The following PTCSC3 variants were observed in gnomAD, a reference collection of about 807,000 sequenced individuals.
PTCSC3 encodes the protein papillary thyroid carcinoma susceptibility candidate 3.
chr14:36,151,296 G>T (rs995871979), intron 3 of PTCSC3, among the ~76,000 whole-genome samples: 1 of 149,818 alleles, frequency 6.7e-6, no homozygotes, highest in Non-Finnish European at 1.5e-5. Flanking sequence ...CCCCGCCCCT[G>T]CCCTCTGGCT....
At chr14:36,154,894 C>T (rs557653560) in intron 2 of PTCSC3, among the ~76,000 whole-genome samples, 8 of 152,322 alleles carry the variant, frequency 5.3e-5, no homozygotes, top group African/African-American at 1.7e-4. Flanking sequence ...AGTCTGAATA[C>T]ATTGAGTCAC....
intron 3 of PTCSC3, among the ~76,000 whole-genome samples, chr14:36,142,789 C>T (rs867240289): frequency 2.2e-3 from 327 of 147,350 alleles, no homozygotes; most frequent in African/African-American, 7.9e-3. Context: ...GTATATCTCC[C>T]AATGCTATCC....
At chr14:36,138,169 A>G (rs1009325723) in intron 3 of PTCSC3, among the ~76,000 whole-genome samples, 1 of 87,698 alleles carries the variant, frequency 1.1e-5, no homozygotes, top group Admixed American at 1.2e-4. Context: ...CAAACTGAAT[A>G]TCCATGTGGG....
chr14:36,135,873 A>G (rs1010312283), downstream of PTCSC3, among the ~76,000 whole-genome samples: 31 of 150,484 alleles, frequency 2.1e-4, no homozygotes, highest in African/African-American at 7.1e-4. Flanking sequence ...ATATATATAT[A>G]TATGTGTGTG....
intron 3 of PTCSC3, among the ~76,000 whole-genome samples, chr14:36,138,496 G>C (rs1267590032): frequency 1.3e-5 from 2 of 152,112 alleles, no homozygotes; most frequent in Middle Eastern, 3.2e-3. Flanking sequence ...AACTCAATAA[G>C]AGACAGACAA....
intron 3 of PTCSC3, among the ~76,000 whole-genome samples, chr14:36,136,702 G>GTTA (rs1675176449): frequency 6.6e-6 from 1 of 152,170 alleles, no homozygotes; most frequent in African/African-American, 2.4e-5. Flanking sequence ...GTTAATTGAT[G>GTTA]TTATGCTAGG....
chr14:36,151,467 C>T (rs1387741582), intron 3 of PTCSC3, among the ~76,000 whole-genome samples: 6 of 152,124 alleles, frequency 3.9e-5, no homozygotes, highest in Non-Finnish European at 7.4e-5. Context: ...TCTAATATTT[C>T]TTTTGCATCT....
At chr14:36,152,570 G>A (rs1203648771) in intron 3 of PTCSC3, among the ~76,000 whole-genome samples, 1 of 152,024 alleles carries the variant, frequency 6.6e-6, no homozygotes, top group African/African-American at 2.4e-5. Context: ...TATGTCAAAG[G>A]GCTTGTATTC....
chr14:36,176,168 T>C (rs895407913), intron 1 of PTCSC3: 20 of 152,170 alleles, frequency 1.3e-4, no homozygotes, highest in African/African-American at 4.8e-4. Context: ...CAAAACAGTA[T>C]ACTAATGCAA....
chr14:36,149,672 C>A (rs1305111798), intron 3 of PTCSC3, among the ~76,000 whole-genome samples: 1 of 152,120 alleles, frequency 6.6e-6, no homozygotes, highest in African/African-American at 2.4e-5. Context: ...ATTATTATGT[C>A]TTTTTGGAGA....
intron 3 of PTCSC3, among the ~76,000 whole-genome samples, chr14:36,138,417 CTG>C (rs1164920826): frequency 6.6e-6 from 1 of 152,162 alleles, no homozygotes; most frequent in Non-Finnish European, 1.5e-5. Context: ...AAACTAAAAA[CTG>C]TCAAATTATT....
intron 2 of PTCSC3, among the ~76,000 whole-genome samples, chr14:36,161,554 T>C (rs555463540): frequency 6.8e-4 from 104 of 152,330 alleles, no homozygotes; most frequent in Middle Eastern, 6.8e-3. Context: ...CAGTAGAGGC[T>C]ACAGAACAGT....
At chr14:36,155,681 T>C (rs569850813) in intron 2 of PTCSC3, among the ~76,000 whole-genome samples, 1 of 152,274 alleles carries the variant, frequency 6.6e-6, no homozygotes, top group Non-Finnish European at 1.5e-5. Context: ...TTTCTTCCTC[T>C]CTTTCTCTGT....
rs569959641 is a variant in PTCSC3, at chr14:36,142,717, T to C, written n.323-6361A>G. ...ACATGTGCACATTGTGCAGGTTAGT[T>C]ACATATGTATACATGTGCCATGCTG... On this transcript the variant is annotated intron_variant and non_coding_transcript_variant, in intron 3 of 3. Coordinates refer to ENST00000556013, the Ensembl canonical transcript of PTCSC3. 4.0e-4 allele frequency among the ~76,000 whole-genome samples: 61 copies of C among 151,946 alleles called. 2 individuals carry two copies. The highest frequency in any genetic ancestry group is 2.1e-3 in the Admixed American group (32 of 15,274).
exon 1 of PTCSC3, chr14:36,176,366 T>C (rs1008770033): frequency 2.0e-5 from 3 of 151,728 alleles, no homozygotes; most frequent in African/African-American, 7.3e-5. Context: ...GCCTTTGACC[T>C]GGTCTCTCCA....
At chr14:36,166,131 CGTCCACCT>C (rs150747592) in intron 1 of PTCSC3, among the ~76,000 whole-genome samples, 3,006 of 152,232 alleles carry the variant, frequency 0.02, 96 homozygotes, top group African/African-American at 0.069. Flanking sequence ...TTTGTCCATC[CGTCCACCT>C]GTCTGTCCAT....
At chr14:36,152,323 C>T (rs1370130706) in intron 3 of PTCSC3, among the ~76,000 whole-genome samples, 1 of 151,892 alleles carries the variant, frequency 6.6e-6, no homozygotes. Flanking sequence ...GGAATGGTGG[C>T]ACACACCTGT....
chr14:36,147,086 G>A (rs1043971333), intron 3 of PTCSC3, among the ~76,000 whole-genome samples: 3 of 152,074 alleles, frequency 2.0e-5, no homozygotes, highest in Non-Finnish European at 2.9e-5. Flanking sequence ...CTCTCTAGCT[G>A]CCCTTAACAT....
rs1408084314 is a variant in PTCSC3, at chr14:36,140,083, A to G, written n.323-3727T>C. Among the ~76,000 whole-genome samples, 4 of 152,214 alleles carry G rather than the reference A, an allele frequency of 2.6e-5. No individual in the cohort carries two copies. In the East Asian group the frequency reaches 7.7e-4, roughly 29 times the overall value. ...TAAGATGTCATGTAGTTGGAATGAC[A>G]GAGTATGTAAACTTTTCAGACTGGA... On this transcript the variant is annotated intron_variant and non_coding_transcript_variant, in intron 3 of 3. Transcript: ENST00000556013.
Sources: allele counts gnomAD v4.1 joint callset (sites outside exome capture counted in the v4.1 genomes callset), GRCh38; gene constraint gnomAD v4.1.1; transcripts MANE v1.5; gene names NCBI Gene and HGNC (gene_info 2026-07-23, HGNC 2026-07-21).